NFYB: variants seen among roughly 807,000 people sequenced by gnomAD.
NFYB encodes nuclear transcription factor Y subunit beta.
In NFYB, 13 loss-of-function variants were observed where a neutral mutation model predicts 28.0. The ratio of observed to expected loss-of-function variants is 0.46; its 90% CI spans 0.30 to 0.74. The LOEUF is 0.74. NFYB is among the 30% of genes least tolerant of loss of function. The pLI, the probability that NFYB is intolerant of heterozygous loss-of-function variation, is 0.07. For missense variants in NFYB, 142 were observed against 247.6 expected, an observed-to-expected ratio of 0.57 and a Z score of 2.86; for synonymous variants, 74 against 75.0, an observed-to-expected ratio of 0.99 and a Z score of 0.07.
At chr12:104,131,740 C>T (rs1337530425) in intron 2 of NFYB, 3 of 455,952 alleles carry the variant, frequency 6.6e-6, no homozygotes, top group Admixed American at 4.7e-5. Flanking sequence ...ACTGAGTGAG[C>T]GCTTAGTATT....
rs1259628305 is a variant in NFYB, at chr12:104,121,300, T to C, written c.451A>G (p.Ile151Val). 1.9e-6 allele frequency: 3 copies of C among 1,612,476 alleles called. No homozygotes were observed. The highest frequency in any genetic ancestry group is 2.5e-6 in the Non-Finnish European group (3 of 1,179,568). The change falls in exon 6 of 8, where the codon ATT (isoleucine) becomes GTT (valine). Residue 151 changes from isoleucine (I) to valine (V), a missense_variant. Ile to Val is a conservative substitution (Grantham distance 29). This residue lies in a region of NFYB where 88 missense variants were observed against 189.5 expected (regional missense o/e 0.46). Coordinates refer to ENST00000240055, the MANE Select transcript of NFYB (RefSeq NM_006166.4). ...TCTGTAGCTGTGACTGCTCCACCAA[T>C]TCCCTTTTCTCCTTTCATAGCCTGA... ...FREAMKGEKGIGGAVTATDGL... is the reference protein window; with the variant it reads ...FREAMKGEKGVGGAVTATDGL...
At chr12:104,120,319 T>C (rs2030420114) in intron 7 of NFYB, 81 bp downstream of exon 7, 3 of 1,179,528 alleles carry the variant, frequency 2.5e-6, no homozygotes, top group Admixed American at 3.6e-5. Flanking sequence ...CCTCCCAAGG[T>C]GCTGGGATTA....
chr12:104,128,697 T>G, intron 2 of NFYB, 180 bp from the exon 3 acceptor site: 1 of 318,752 alleles, frequency 3.1e-6, no homozygotes, highest in Non-Finnish European at 5.9e-6. Context: ...GACAGGGTCT[T>G]ACTCTGTGGC....
intron 2 of NFYB, chr12:104,128,728 G>A (rs111446046): frequency 0.017 from 4,389 of 253,546 alleles, 198 homozygotes; most frequent in African/African-American, 0.092. Flanking sequence ...GTGCAGTGGC[G>A]TGATCACAGC....
intron 5 of NFYB, among the ~76,000 whole-genome samples, chr12:104,122,684 G>A (rs536728550): frequency 3.4e-4 from 52 of 152,100 alleles, no homozygotes; most frequent in African/African-American, 9.6e-4. Flanking sequence ...TCTACCCCTC[G>A]CACCCCTCCC....
intron 5 of NFYB, 50 bp downstream of exon 5, chr12:104,123,175 CA>C (rs376212712): frequency 0.034 from 34,014 of 1,003,804 alleles, no homozygotes; most frequent in Middle Eastern, 0.048. Context: ...TACTCCACCT[CA>C]AAAAAAAAAA....
In NFYB at chr12:104,129,961, T is replaced by TA. The variant is rs111516210; in HGVS notation, c.7-1445dup. On this transcript the variant is annotated intron_variant, in intron 2 of 7. Transcript: ENST00000240055. The stretch of plus-strand genomic sequence containing the variant: ...AGAATAAGAGTTAAAATTCCTATTT[T>TA]AAAAAAAGCCTGCTTAATTAATTTT... Among the ~76,000 whole-genome samples, 506 of 152,182 alleles carry TA rather than the reference T, an allele frequency of 3.3e-3. 4 individuals are homozygous for TA. The Middle Eastern group carries it at 0.034, about 10-fold the overall frequency.
chr12:104,120,480 C>T lies in NFYB; in HGVS notation c.512-1G>A, dbSNP rs777664083. The T allele has an allele frequency of 2.5e-6, 4 of 1,611,900 alleles. No individual in the cohort carries two copies. Among genetic ancestry groups the T allele is most frequent in the Non-Finnish European group, 2.5e-6 (3 of 1,178,476 alleles). ...ATTAAGCCAGCTGGTAACTGGTTAG[C>T]TAAAAGAAAAAAAATTAGTTAAAGA... On this transcript the variant is annotated splice_acceptor_variant, in intron 6 of 7. Coordinates refer to ENST00000240055, the MANE Select transcript of NFYB (RefSeq NM_006166.4). LOFTEE classifies it high-confidence loss of function.
rs2030346072 is a variant in NFYB at position 104,118,486 on chromosome 12, C to G, written c.*1251G>C. The stretch of plus-strand genomic sequence containing the variant: ...TGTCCTTCAAAGATGATATTCACTC[C>G]AACTTCCTTTTAGGCAAACTATACA... On this transcript the variant is annotated 3_prime_UTR_variant, in exon 8 of 8. Transcript: ENST00000240055. The G allele has an allele frequency of 6.6e-6, 1 of 152,490 alleles. No homozygotes were observed. Among genetic ancestry groups the G allele is most frequent in the African/African-American group, 2.4e-5 (1 of 41,402 alleles). The allele number at this position is 152,490 out of a possible 1,614,324, so 9.4% of individuals were successfully genotyped here.
intron 3 of NFYB, among the ~76,000 whole-genome samples, chr12:104,126,741 T>TA (rs1280175859): frequency 1.3e-5 from 2 of 152,218 alleles, no homozygotes; most frequent in Non-Finnish European, 2.9e-5. Context: ...CTATAAAACT[T>TA]ACAGACCGTA....
chr12:104,130,452 AGTT>A (rs1425923160), intron 2 of NFYB, among the ~76,000 whole-genome samples: 1 of 152,202 alleles, frequency 6.6e-6, no homozygotes, highest in Non-Finnish European at 1.5e-5. Flanking sequence ...TAATTTATAT[AGTT>A]GTTGTAAGGG....
chr12:104,128,494 T>C lies in NFYB; in HGVS notation c.30A>G (p.Thr10=), dbSNP rs770635445. 3.1e-6 allele frequency: 5 copies of C among 1,612,824 alleles called. No homozygotes were observed. The highest frequency in any genetic ancestry group is 2.7e-5 in the African/African-American group (2 of 74,886). Residue 10 remains threonine, a synonymous_variant, in exon 3 of 8, where the codon ACA becomes ACG. Coordinates refer to ENST00000240055, the MANE Select transcript of NFYB (RefSeq NM_006166.4). The part of the protein sequence containing the change: MTMDGDSST[T]DASQLGISAD... ...CAGAGATTCCTAGTTGAGAAGCATC[T>C]GTTGTAGAACTGTCACCATCCATCT...
intron 4 of NFYB, among the ~76,000 whole-genome samples, chr12:104,124,585 T>A (rs1950271210): frequency 6.6e-6 from 1 of 152,172 alleles, no homozygotes; most frequent in Non-Finnish European, 1.5e-5. Flanking sequence ...AAAATAAAAT[T>A]AATTTTAATA....
chr12:104,135,034 C>T (rs1458045795), intron 2 of NFYB, among the ~76,000 whole-genome samples: 1 of 152,200 alleles, frequency 6.6e-6, no homozygotes, highest in African/African-American at 2.4e-5. Context: ...AATCCACTCC[C>T]ACCCTCTATT....
At chr12:104,133,695 C>T (rs2031004964) in intron 2 of NFYB, among the ~76,000 whole-genome samples, 1 of 152,206 alleles carries the variant, frequency 6.6e-6, no homozygotes. Flanking sequence ...TCTTCTCTCT[C>T]TTAATTTACC....
intron 2 of NFYB, among the ~76,000 whole-genome samples, chr12:104,129,098 C>T (rs2030832019): frequency 6.6e-6 from 1 of 152,226 alleles, no homozygotes; most frequent in Non-Finnish European, 1.5e-5. Flanking sequence ...ATGCCTCTTT[C>T]TTTTTAAGTG....
At chr12:104,133,225 G>T (rs927353761) in intron 2 of NFYB, among the ~76,000 whole-genome samples, 4 of 152,216 alleles carry the variant, frequency 2.6e-5, no homozygotes, top group Admixed American at 2.0e-4. Flanking sequence ...TGAGGCTAAT[G>T]ATTTGCCTGA....
chr12:104,123,519 A>G, intron 4 of NFYB, 96 bp from the exon 5 acceptor site: 1 of 873,196 alleles, frequency 1.1e-6, no homozygotes, highest in Non-Finnish European at 1.8e-6. Flanking sequence ...ACACATCTTC[A>G]CTTTATGACT....
intron 2 of NFYB, chr12:104,131,655 T>C: frequency 2.3e-6 from 1 of 430,536 alleles, no homozygotes; most frequent in Non-Finnish European, 4.7e-6. Flanking sequence ...CAAAGGTTTT[T>C]TCTAGGTCTA....
Sources: gnomAD v4.1 joint callset for allele counts (sites outside exome capture counted in the v4.1 genomes callset) on GRCh38, gnomAD v4.1.1 for gene constraint, gnomAD v4.1.1 regional missense constraint, MANE v1.5 for transcripts, NCBI Gene and HGNC (gene_info 2026-07-23, HGNC 2026-07-21) for gene names.